CDC14B: variants seen among roughly 807,000 people sequenced by gnomAD.
CDC14B encodes the protein dual specificity protein phosphatase CDC14B.
Under a neutral mutation model 64.2 loss-of-function variants are expected in CDC14B, and 22 were observed. The observed-to-expected ratio is 0.34, with a 90% confidence interval of 0.24 to 0.49. The LOEUF (loss-of-function observed/expected upper bound fraction) is 0.49, where lower values mean the gene tolerates loss of function less well. Among genes scored for constraint, CDC14B ranks in the 20% least tolerant of loss-of-function variants. The pLI, the probability that CDC14B is intolerant of heterozygous loss-of-function variation, is 0.99. For missense variants in CDC14B, 498 were observed against 629.9 expected (o/e 0.79, Z 2.24); for synonymous variants, 191 against 215.8 (o/e 0.89, Z 1.01).
intron 4 of CDC14B, 152 bp downstream of exon 4, chr9:96,562,541 G>A (rs1421571221): frequency 3.2e-6 from 2 of 633,844 alleles, no homozygotes; most frequent in Admixed American, 2.7e-5. Flanking sequence ...CATAAGCACA[G>A]CTTCCTTGAA....
Position 96,519,085 on chromosome 9 carries a change from G to A in CDC14B, c.1343+3421C>T, listed in dbSNP as rs368557223. 7.2e-5 allele frequency among the ~76,000 whole-genome samples: 11 copies of A among 152,062 alleles called. 1 individual carries two copies. In the South Asian group the frequency reaches 1.5e-3, roughly 20 times the overall value. On this transcript the variant is annotated intron_variant, in intron 12 of 13. Coordinates refer to ENST00000375241, the MANE Select transcript of CDC14B (RefSeq NM_033331.4). Reference sequence around the variant, plus strand: ...CAGGAGGCGGAGCTTGCAGTGAGCCGAGATCGCACCACTTTACTCCAGCCT... The same window carrying A: ...CAGGAGGCGGAGCTTGCAGTGAGCCAAGATCGCACCACTTTACTCCAGCCT...
At chr9:96,617,548 ACAAT>A (rs1043461162) in intron 1 of CDC14B, among the ~76,000 whole-genome samples, 11 of 152,210 alleles carry the variant, frequency 7.2e-5, no homozygotes, top group Admixed American at 2.0e-4. Flanking sequence ...CCAACTCAGA[ACAAT>A]CATTCTAATA....
chr9:96,613,988 ATTTG>A (rs1037229886), intron 1 of CDC14B, among the ~76,000 whole-genome samples: 17 of 152,304 alleles, frequency 1.1e-4, no homozygotes, highest in African/African-American at 4.1e-4. Flanking sequence ...ACAATGCTGT[ATTTG>A]TTTATTTGAT....
chr9:96,495,484 C>T (rs1833206101), downstream of CDC14B, among the ~76,000 whole-genome samples: 1 of 149,536 alleles, frequency 6.7e-6, no homozygotes, highest in Non-Finnish European at 1.5e-5. Context: ...GAACAACCTG[C>T]ACAACTGTAC....
intron 12 of CDC14B, chr9:96,514,974 A>T (rs752433900): frequency 2.9e-5 from 28 of 970,504 alleles, no homozygotes; most frequent in Non-Finnish European, 3.4e-5. Flanking sequence ...AAGCAGGAAC[A>T]ATGACCATCA....
At chr9:96,618,802 C>CTGA in intron 1 of CDC14B, 2 of 346,038 alleles carry the variant, frequency 5.8e-6, no homozygotes, top group East Asian at 1.8e-4. Flanking sequence ...CTCGGGGAAT[C>CTGA]CTCAGGGGCT....
At chr9:96,548,381 T>C (rs1194341925) in intron 5 of CDC14B, among the ~76,000 whole-genome samples, 4 of 152,178 alleles carry the variant, frequency 2.6e-5, no homozygotes. Context: ...ACAATGATCC[T>C]ATGATATTTA....
intron 1 of CDC14B, among the ~76,000 whole-genome samples, chr9:96,592,133 C>G (rs1296352725): frequency 1.3e-5 from 2 of 152,104 alleles, no homozygotes; most frequent in Non-Finnish European, 2.9e-5. Flanking sequence ...GGCTGGAGTA[C>G]AGTGGAAAAA....
intron 7 of CDC14B, 165 bp downstream of exon 7, chr9:96,538,913 A>G (rs1178819446): frequency 1.0e-5 from 6 of 583,730 alleles, no homozygotes; most frequent in Non-Finnish European, 1.8e-5. Context: ...TGAGGTGATG[A>G]ATATGTTAAT....
intron 1 of CDC14B, among the ~76,000 whole-genome samples, chr9:96,589,863 A>C (rs937420272): frequency 5.3e-5 from 8 of 151,964 alleles, no homozygotes; most frequent in African/African-American, 1.9e-4. Context: ...CAGAAGGCTG[A>C]GGCAGGAGAA....
intron 4 of CDC14B, among the ~76,000 whole-genome samples, chr9:96,560,532 T>C (rs980362588): frequency 2.6e-5 from 4 of 152,022 alleles, no homozygotes; most frequent in African/African-American, 9.7e-5. Flanking sequence ...AAACACCCAC[T>C]TCTCCATACT....
At chr9:96,509,144 C>A (rs534763143) in intron 13 of CDC14B, among the ~76,000 whole-genome samples, 1 of 152,192 alleles carries the variant, frequency 6.6e-6, no homozygotes. Flanking sequence ...GAGTCACCGA[C>A]GTGGCCACAG....
intron 1 of CDC14B, among the ~76,000 whole-genome samples, chr9:96,571,126 G>T (rs183231983): frequency 4.0e-5 from 6 of 151,588 alleles, no homozygotes; most frequent in South Asian, 2.1e-4. Context: ...AAACACAGAT[G>T]AAATGATTTT....
intron 4 of CDC14B, among the ~76,000 whole-genome samples, chr9:96,555,009 T>C (rs1564324424): frequency 1.3e-5 from 2 of 152,182 alleles, no homozygotes; most frequent in African/African-American, 2.4e-5. Context: ...AGAAGCTATA[T>C]ATATAGAATG....
At chr9:96,539,811 A>C (rs2131831513) in intron 6 of CDC14B, among the ~76,000 whole-genome samples, 1 of 152,336 alleles carries the variant, frequency 6.6e-6, no homozygotes, top group African/African-American at 2.4e-5. Context: ...AAATAAGCAG[A>C]GTGTCTATTT....
Position 96,532,427 on chromosome 9 carries a change from T to C in CDC14B, c.946+1500A>G, listed in dbSNP as rs146186332. Among the ~76,000 whole-genome samples, 381 of 152,352 alleles carry C rather than the reference T, an allele frequency of 2.5e-3. 2 individuals are homozygous for C. Among genetic ancestry groups the C allele is most frequent in the African/African-American group, 8.7e-3 (361 of 41,582 alleles). On this transcript the variant is annotated intron_variant, in intron 9 of 13. Transcript: ENST00000375241. Reference sequence around the variant, plus strand: ...GCTTTCAAGACTGTCTGTGGCATTATAGCTTGATTATAATGCATGTTCACA... The same window carrying C: ...GCTTTCAAGACTGTCTGTGGCATTACAGCTTGATTATAATGCATGTTCACA...
intron 11 of CDC14B, 26 bp downstream of exon 11, chr9:96,523,235 C>T: frequency 6.2e-7 from 1 of 1,612,258 alleles, no homozygotes; most frequent in Admixed American, 1.7e-5. Context: ...GCAGTAACAA[C>T]ATCGCAACAG....
intron 5 of CDC14B, among the ~76,000 whole-genome samples, chr9:96,551,408 C>G (rs1163091637): frequency 6.6e-6 from 1 of 152,034 alleles, no homozygotes; most frequent in Non-Finnish European, 1.5e-5. Context: ...AGGCATGAGC[C>G]ACTGTGCCCA....
chr9:96,619,107 A>G (rs1847823207), intron 1 of CDC14B, 112 bp downstream of exon 1: 2 of 807,618 alleles, frequency 2.5e-6, no homozygotes, highest in Non-Finnish European at 3.3e-6. Flanking sequence ...GTGGGGGCGA[A>G]GGCATTTCGG....
Sources: gnomAD v4.1 joint callset for allele counts (sites outside exome capture counted in the v4.1 genomes callset) on GRCh38, gnomAD v4.1.1 for gene constraint, MANE v1.5 for transcripts, NCBI Gene and HGNC (gene_info 2026-07-23, HGNC 2026-07-21) for gene names.